Variants in OR2AG1 observed in about 807,000 individuals in gnomAD.
The protein encoded by OR2AG1 is olfactory receptor 2AG1.
For missense variants in OR2AG1, 391 were observed against 385.9 expected, an observed-to-expected ratio of 1.01 and a Z score of -0.11; for synonymous variants, 157 against 155.6, an observed-to-expected ratio of 1.01 and a Z score of -0.07.
Position 6,788,969 on chromosome 11 carries a change from C to T in OR2AG1, c.*2981C>T, listed in dbSNP as rs1429252829. The T allele has an allele frequency of 1.4e-5, 2 of 146,902 alleles. No individual in the cohort carries two copies. Among genetic ancestry groups the T allele is most frequent in the Admixed American group, 6.8e-5 (1 of 14,788 alleles). 9.1% of individuals were successfully genotyped at this position (146,902 alleles called of 1,614,324 possible). On this transcript the variant is annotated 3_prime_UTR_variant, in exon 2 of 2. Transcript: ENST00000641258. ...AAATAAATAAAGTAAGAAGTCTTTGCATGACTCCAATCCCCCTCAGTAACT... is the reference window on the plus strand; with the variant it reads ...AAATAAATAAAGTAAGAAGTCTTTGTATGACTCCAATCCCCCTCAGTAACT...
In OR2AG1 at chr11:6,785,664, C is replaced by T. The variant is rs769182154; in HGVS notation, c.627C>T (p.Pro209=). The part of the protein sequence containing the change: ...VYVMGVTFLI[P]SLAAILASYT... Reference sequence around the variant, plus strand: ...TGATGGGTGTGACCTTCCTGATTCCCTCTCTTGCTGCTATACTGGCCTCCT... The same window carrying T: ...TGATGGGTGTGACCTTCCTGATTCCTTCTCTTGCTGCTATACTGGCCTCCT... Residue 209 remains proline (P), a synonymous_variant, in exon 2 of 2, where the codon CCC becomes CCT. Coordinates refer to ENST00000641258, the MANE Select transcript of OR2AG1 (RefSeq NM_001004489.3). 5 of 1,614,140 alleles carry T rather than the reference C, an allele frequency of 3.1e-6. No homozygotes were observed. Among genetic ancestry groups the T allele is most frequent in the Non-Finnish European group, 3.4e-6 (4 of 1,180,002 alleles).
rs1487093230 is a variant in OR2AG1 at position 6,789,747 on chromosome 11, CA to C, written c.*3763del. On this transcript the variant is annotated 3_prime_UTR_variant, in exon 2 of 2. Transcript: ENST00000641258. The stretch of plus-strand genomic sequence containing the variant: ...TTTTTGAAAACCAAAAAAGTCAAAG[CA>C]AAACAAGTGTTGGTAGGTATGGGGA... 4 of 152,440 alleles carry C rather than the reference CA, an allele frequency of 2.6e-5. No homozygotes were observed. The highest frequency in any genetic ancestry group is 5.9e-5 in the Non-Finnish European group (4 of 68,278). The allele number at this position is 152,440 out of a possible 1,614,324, so 9.4% of individuals were successfully genotyped here.
rs540252142 is a variant in OR2AG1, at chr11:6,788,945, A to AATAAATAAAT, written c.*2966_*2967insTATAAATAAA. ...AAATAAATAAATAAATAAATAAATAAATAAATAAAGTAAGAAGTCTTTGCA... is the reference window on the plus strand; with the variant it reads ...AAATAAATAAATAAATAAATAAATAAATAAATAAATATAAATAAAGTAAGAAGTCTTTGCA... On this transcript the variant is annotated 3_prime_UTR_variant, in exon 2 of 2. Coordinates refer to ENST00000641258, the MANE Select transcript of OR2AG1 (RefSeq NM_001004489.3). The AATAAATAAAT allele has an allele frequency of 8.6e-3, 1,305 of 151,070 alleles. 22 individuals carry two copies. Among genetic ancestry groups the AATAAATAAAT allele is most frequent in the African/African-American group, 0.03 (1,240 of 41,172 alleles). 9.4% of individuals were successfully genotyped at this position (151,070 alleles called of 1,614,324 possible).
chr11:6,783,163 G>A lies in OR2AG1; in HGVS notation c.-329G>A, dbSNP rs1458623155. The A allele has an allele frequency of 6.6e-6, 1 of 152,224 alleles. No individual in the cohort carries two copies. The highest frequency in any genetic ancestry group is 2.4e-5 in the African/African-American group (1 of 41,430). 9.4% of individuals were successfully genotyped at this position (152,224 alleles called of 1,614,324 possible). A position where few individuals can be genotyped will look rare whatever the true frequency, so the allele number is the denominator to read the frequency against. On this transcript the variant is annotated 5_prime_UTR_variant, in exon 1 of 2. Coordinates refer to ENST00000641258, the MANE Select transcript of OR2AG1 (RefSeq NM_001004489.3). ...AGTAGTTGCTACTAGTTCTTCACAG[G>A]CGTGAGAACAAGAAAGTAATCTTCT...
In OR2AG1 at chr11:6,785,634, A is replaced by T; in HGVS notation, c.597A>T (p.Val199=). ...CADTSRYELM[V]YVMGVTFLIP... ...ATACCTCCAGATATGAGCTCATGGT[A>T]TATGTGATGGGTGTGACCTTCCTGA... Residue 199 remains valine (V), a synonymous_variant, in exon 2 of 2, where the codon GTA becomes GTT. Transcript: ENST00000641258. The T allele has an allele frequency of 6.2e-7, 1 of 1,614,040 alleles. No homozygotes were observed.
Position 6,786,188 on chromosome 11 carries a change from C to G in OR2AG1, c.*200C>G. 1 of 501,280 alleles carries G rather than the reference C, an allele frequency of 2.0e-6. No individual in the cohort carries two copies. Among genetic ancestry groups the G allele is most frequent in the Non-Finnish European group, 3.5e-6 (1 of 288,148 alleles). The allele number at this position is 501,280 out of a possible 1,614,324, so 31.1% of individuals were successfully genotyped here. On this transcript the variant is annotated 3_prime_UTR_variant, in exon 2 of 2. Coordinates refer to ENST00000641258, the MANE Select transcript of OR2AG1 (RefSeq NM_001004489.3). ...ATTTATAGGGCATGATTTACACTATCTAAAATTACTCTTCACTCTATTTAA... is the reference window on the plus strand; with the variant it reads ...ATTTATAGGGCATGATTTACACTATGTAAAATTACTCTTCACTCTATTTAA...
chr11:6,785,184 C>T lies in OR2AG1; in HGVS notation c.147C>T (p.Ile49=), dbSNP rs764204051. Residue 49 remains isoleucine (I), a synonymous_variant, in exon 2 of 2, where the codon ATC becomes ATT. Coordinates refer to ENST00000641258, the MANE Select transcript of OR2AG1 (RefSeq NM_001004489.3). ...GCAATGGCCTACTGCTCCTGGCTAT[C>T]ACCATGGAAGCCCGGCTCCACATGC... The part of the protein sequence containing the change: ...LISNGLLLLA[I]TMEARLHMPM... The T allele has an allele frequency of 1.2e-6, 2 of 1,614,204 alleles. No homozygotes were observed. Among genetic ancestry groups the T allele is most frequent in the Non-Finnish European group, 1.7e-6 (2 of 1,180,018 alleles).
In OR2AG1 at chr11:6,789,849, A is replaced by G. The variant is rs1238007564; in HGVS notation, c.*3861A>G. On this transcript the variant is annotated 3_prime_UTR_variant, in exon 2 of 2. Transcript: ENST00000641258. ...ATTATGGAAAACAGTATGGAGGTCT[A>G]AAGATTCAAACTATTACTACTGTAT... 2 of 152,230 alleles carry G rather than the reference A, an allele frequency of 1.3e-5. No homozygotes were observed. Among genetic ancestry groups the G allele is most frequent in the African/African-American group, 2.4e-5 (1 of 41,458 alleles). The allele number at this position is 152,230 out of a possible 1,614,324, so 9.4% of individuals were successfully genotyped here.
Position 6,785,450 on chromosome 11 carries a change from C to T in OR2AG1, c.413C>T (p.Ser138Leu). The change falls in exon 2 of 2, where the codon TCA (serine) becomes TTA (leucine). Residue 138 changes from serine to leucine, a missense_variant. Coordinates refer to ENST00000641258, the MANE Select transcript of OR2AG1 (RefSeq NM_001004489.3). ...CTGACATACATGACCCTCATGAGCT[C>T]AAGAGCCTGCTGGCTCATGGTGGCC... is the stretch of plus-strand genomic sequence containing the variant. ...HPLTYMTLMS[S>L]RACWLMVATS... The T allele has an allele frequency of 6.2e-7, 1 of 1,614,126 alleles. No homozygotes were observed. Among genetic ancestry groups the T allele is most frequent in the African/African-American group, 1.3e-5 (1 of 75,026 alleles).
In OR2AG1 at chr11:6,785,665, T is replaced by A; in HGVS notation, c.628T>A (p.Ser210Thr). The A allele has an allele frequency of 6.2e-7, 1 of 1,613,988 alleles. No homozygotes were observed. Among genetic ancestry groups the A allele is most frequent in the Non-Finnish European group, 8.5e-7 (1 of 1,179,942 alleles). ...GATGGGTGTGACCTTCCTGATTCCC[T>A]CTCTTGCTGCTATACTGGCCTCCTA... ...YVMGVTFLIP[S>T]LAAILASYTQ... Residue 210 changes from serine (S) to threonine (T), a missense_variant, in exon 2 of 2, where the codon TCT becomes ACT. Coordinates refer to ENST00000641258, the MANE Select transcript of OR2AG1 (RefSeq NM_001004489.3).
In OR2AG1 at chr11:6,789,639, G is replaced by A. The variant is rs576975066; in HGVS notation, c.*3651G>A. On this transcript the variant is annotated 3_prime_UTR_variant, in exon 2 of 2. Transcript: ENST00000641258. The stretch of plus-strand genomic sequence containing the variant: ...GCACTCCAGCTTGGGCAACAAGAGC[G>A]AAACCCCATCTCAGAAAACAAACAA... The A allele has an allele frequency of 2.1e-4, 31 of 149,916 alleles. No individual in the cohort carries two copies. Among genetic ancestry groups the A allele is most frequent in the Non-Finnish European group, 2.6e-4 (18 of 70,008 alleles). The allele number at this position is 149,916 out of a possible 1,614,324, so 9.3% of individuals were successfully genotyped here. A position where few individuals can be genotyped will look rare whatever the true frequency, so the allele number is the denominator to read the frequency against.
chr11:6,785,241 C>T lies in OR2AG1; in HGVS notation c.204C>T (p.Leu68=). The change falls in exon 2 of 2, where the codon CTC becomes CTT. Residue 68 remains leucine, a synonymous_variant. Transcript: ENST00000641258. ...ACCTCCTGCTTGGGCAGCTCTCTCT[C>T]ATGGACCTCCTGTTCACATCTGTTG... The part of the protein sequence containing the change: ...PMYLLLGQLS[L]MDLLFTSVVT... 6.2e-7 allele frequency: 1 copy of T among 1,614,188 alleles called. No homozygotes were observed. The highest frequency in any genetic ancestry group is 1.1e-5 in the South Asian group (1 of 91,082).
chr11:6,784,178 C>T (rs1403117880), intron 1 of OR2AG1, among the ~76,000 whole-genome samples: 7 of 152,126 alleles, frequency 4.6e-5, no homozygotes, highest in African/African-American at 1.7e-4. Flanking sequence ...AACATCTGGT[C>T]AAAGGCAGGA....
Position 6,786,063 on chromosome 11 carries a change from T to C in OR2AG1, c.*75T>C, listed in dbSNP as rs527985624. ...ATTCATGTTATGAATCAAATACTAA[T>C]GGTAAAACCAATACAGTGCAGAGTA... On this transcript the variant is annotated 3_prime_UTR_variant, in exon 2 of 2. Transcript: ENST00000641258. The C allele has an allele frequency of 2.9e-5, 34 of 1,162,004 alleles. No homozygotes were observed. In the South Asian group the frequency reaches 3.7e-4, roughly 13 times the overall value. 72.0% of individuals were successfully genotyped at this position (1,162,004 alleles called of 1,614,324 possible). A position where few individuals can be genotyped will look rare whatever the true frequency, so the allele number is the denominator to read the frequency against.
Position 6,790,543 on chromosome 11 carries a change from T to C in OR2AG1, c.*4555T>C, listed in dbSNP as rs994826139. On this transcript the variant is annotated 3_prime_UTR_variant, in exon 2 of 2. Coordinates refer to ENST00000641258, the MANE Select transcript of OR2AG1 (RefSeq NM_001004489.3). The stretch of plus-strand genomic sequence containing the variant: ...TACCTTAAATACATTCTAGTCATAT[T>C]TGTCAACCATATCTCAATAAAGTTG... 1.3e-5 allele frequency: 2 copies of C among 152,214 alleles called. No homozygotes were observed. Among genetic ancestry groups the C allele is most frequent in the Admixed American group, 6.5e-5 (1 of 15,276 alleles). 9.4% of individuals were successfully genotyped at this position (152,214 alleles called of 1,614,324 possible). A position where few individuals can be genotyped will look rare whatever the true frequency, so the allele number is the denominator to read the frequency against.
rs1847680548 is a variant in OR2AG1, at chr11:6,790,675, T to G, written c.*4687T>G. 6.6e-6 allele frequency: 1 copy of G among 152,206 alleles called. No homozygotes were observed. Among genetic ancestry groups the G allele is most frequent in the African/African-American group, 2.4e-5 (1 of 41,452 alleles). 9.4% of individuals were successfully genotyped at this position (152,206 alleles called of 1,614,324 possible). ...TCTTCATTATAGGAATGTAAAATAT[T>G]ACCTCTGCTGGAATATGAACTACAC... On this transcript the variant is annotated 3_prime_UTR_variant, in exon 2 of 2. Coordinates refer to ENST00000641258, the MANE Select transcript of OR2AG1 (RefSeq NM_001004489.3).
In OR2AG1 at chr11:6,790,935, C is replaced by T. The variant is rs1356523210; in HGVS notation, c.*4947C>T. 1 of 152,212 alleles carries T rather than the reference C, an allele frequency of 6.6e-6. No homozygotes were observed. Among genetic ancestry groups the T allele is most frequent in the African/African-American group, 2.4e-5 (1 of 41,438 alleles). The allele number at this position is 152,212 out of a possible 1,614,324, so 9.4% of individuals were successfully genotyped here. On this transcript the variant is annotated 3_prime_UTR_variant, in exon 2 of 2. Coordinates refer to ENST00000641258, the MANE Select transcript of OR2AG1 (RefSeq NM_001004489.3). Reference sequence around the variant, plus strand: ...GCTAAGAAAAGGGTGAACTGACAGACCCTTCTGTCCATCAAGTCATCCACA... The same window carrying T: ...GCTAAGAAAAGGGTGAACTGACAGATCCTTCTGTCCATCAAGTCATCCACA...
rs747886464 is a variant in OR2AG1, at chr11:6,785,970, A to G, written c.933A>G (p.Pro311=). 6.1e-5 allele frequency: 98 copies of G among 1,612,846 alleles called. No individual in the cohort carries two copies. Among genetic ancestry groups the G allele is most frequent in the South Asian group, 1.2e-4 (11 of 90,950 alleles). ...LRRVLGKYML[P]AHSTL ...GGGTCCTGGGAAAATACATGCTGCCAGCACACTCCACGCTCTAGGGAAGGA... is the reference window on the plus strand; with the variant it reads ...GGGTCCTGGGAAAATACATGCTGCCGGCACACTCCACGCTCTAGGGAAGGA... Residue 311 remains proline (P), a synonymous_variant, in exon 2 of 2, where the codon CCA becomes CCG. Transcript: ENST00000641258.
rs192685399 is a variant in OR2AG1 at position 6,788,492 on chromosome 11, T to G, written c.*2504T>G. 6.6e-6 allele frequency: 1 copy of G among 152,212 alleles called. No individual in the cohort carries two copies. Among genetic ancestry groups the G allele is most frequent in the Non-Finnish European group, 1.5e-5 (1 of 68,038 alleles). The allele number at this position is 152,212 out of a possible 1,614,324, so 9.4% of individuals were successfully genotyped here. ...CTCTTCAGTTCTAGCTTCTTTCTCC[T>G]CTTTACTCTTTTGGAAGACATTTGA... is the stretch of plus-strand genomic sequence containing the variant. On this transcript the variant is annotated 3_prime_UTR_variant, in exon 2 of 2. Coordinates refer to ENST00000641258, the MANE Select transcript of OR2AG1 (RefSeq NM_001004489.3).
Sources: gnomAD v4.1 joint callset for allele counts (sites outside exome capture counted in the v4.1 genomes callset) on GRCh38, gnomAD v4.1.1 for gene constraint, MANE v1.5 for transcripts, NCBI Gene and HGNC (gene_info 2026-07-23, HGNC 2026-07-21) for gene names.